The following ZSWIM6 variants were observed in gnomAD, a reference collection of about 807,000 sequenced individuals.
ZSWIM6 encodes the protein zinc finger SWIM domain-containing protein 6.
In ZSWIM6, 9 loss-of-function variants were observed where a neutral mutation model predicts 113.2. The ratio of observed to expected loss-of-function variants is 0.08; its 90% CI spans 0.05 to 0.14. ZSWIM6 has a LOEUF of 0.14. Ranked by LOEUF, ZSWIM6 falls within the 10% of genes least tolerant of loss-of-function variation. The probability of loss-of-function intolerance (pLI) is 1.00; values close to 1 mark genes in which losing one functional copy is unlikely to be tolerated. For synonymous variants in ZSWIM6, 611 were observed against 606.5 expected (o/e 1.01, Z -0.11); for missense variants, 1,162 against 1,552.2 (o/e 0.75, Z 4.22).
intron 1 of ZSWIM6, among the ~76,000 whole-genome samples, chr5:61,337,842 T>C (rs1020797240): frequency 1.3e-5 from 2 of 152,166 alleles, no homozygotes; most frequent in African/African-American, 4.8e-5. Context: ...ACTTTAACTT[T>C]TTACTTTATA....
At chr5:61,530,019 TC>T (rs1237526950) in intron 7 of ZSWIM6, 32 bp from the exon 8 acceptor site, 2 of 1,517,320 alleles carry the variant, frequency 1.3e-6, no homozygotes, top group Non-Finnish European at 8.9e-7. Context: ...TCCCTTCTAC[TC>T]CCCCATTTCT....
intron 4 of ZSWIM6, among the ~76,000 whole-genome samples, chr5:61,510,948 C>T (rs891264094): frequency 6.6e-6 from 1 of 152,032 alleles, no homozygotes; most frequent in Non-Finnish European, 1.5e-5. Context: ...AGTGTTTAAT[C>T]ATCAAATAGC....
chr5:61,535,999 T>C (rs1362743666), intron 10 of ZSWIM6, among the ~76,000 whole-genome samples: 2 of 152,226 alleles, frequency 1.3e-5, no homozygotes, highest in African/African-American at 2.4e-5. Flanking sequence ...TTGAATATAA[T>C]TGAGGGAGAC....
chr5:61,428,826 T>G (rs1246530859), intron 1 of ZSWIM6, among the ~76,000 whole-genome samples: 1 of 152,238 alleles, frequency 6.6e-6, no homozygotes, highest in Non-Finnish European at 1.5e-5. Flanking sequence ...TTTTTCTTTC[T>G]TTCTGATCTG....
At chr5:61,508,508 C>T (rs1408985173) in intron 4 of ZSWIM6, among the ~76,000 whole-genome samples, 3 of 152,104 alleles carry the variant, frequency 2.0e-5, no homozygotes, top group Non-Finnish European at 1.5e-5. Context: ...TAACTAATGA[C>T]ATTCTTATAC....
chr5:61,445,527 C>A (rs1189347184), intron 1 of ZSWIM6, among the ~76,000 whole-genome samples: 1 of 152,132 alleles, frequency 6.6e-6, no homozygotes, highest in African/African-American at 2.4e-5. Flanking sequence ...TTGGAAAGTA[C>A]AAAGTCTCAC....
intron 1 of ZSWIM6, among the ~76,000 whole-genome samples, chr5:61,396,303 G>A (rs1181114283): frequency 2.6e-5 from 4 of 152,152 alleles, no homozygotes; most frequent in Admixed American, 6.6e-5. Flanking sequence ...GGAGGCTGAG[G>A]CAGGCGGATC....
intron 1 of ZSWIM6, among the ~76,000 whole-genome samples, chr5:61,353,895 T>TA (rs1193165653): frequency 6.6e-6 from 1 of 152,222 alleles, no homozygotes; most frequent in Non-Finnish European, 1.5e-5. Flanking sequence ...ACACCTCAGT[T>TA]ACTGGAAGGC....
At chr5:61,438,237 G>A (rs1163593948) in intron 1 of ZSWIM6, among the ~76,000 whole-genome samples, 4 of 152,068 alleles carry the variant, frequency 2.6e-5, no homozygotes, top group Non-Finnish European at 4.4e-5. Flanking sequence ...AGTCATGTTC[G>A]AAATATGACA....
chr5:61,432,905 C>G (rs1453265582), intron 1 of ZSWIM6, among the ~76,000 whole-genome samples: 1 of 152,074 alleles, frequency 6.6e-6, no homozygotes, highest in Non-Finnish European at 1.5e-5. Flanking sequence ...ATACCCTTAC[C>G]CTCATATAAT....
At chr5:61,401,486 A>T (rs916543243) in intron 1 of ZSWIM6, among the ~76,000 whole-genome samples, 5 of 152,186 alleles carry the variant, frequency 3.3e-5, no homozygotes, top group African/African-American at 1.2e-4. Context: ...AATAAAGGGT[A>T]TATAGATACC....
intron 5 of ZSWIM6, among the ~76,000 whole-genome samples, chr5:61,523,169 T>C (rs896281290): frequency 1.3e-5 from 2 of 152,212 alleles, no homozygotes; most frequent in South Asian, 4.1e-4. Context: ...GGTCTGGTGT[T>C]CATACCTGTA....
In ZSWIM6 at chr5:61,436,952, A is replaced by G. The variant is rs1486984860; in HGVS notation, c.677-35729A>G. On this transcript the variant is annotated intron_variant, in intron 1 of 13. Coordinates refer to ENST00000252744, the MANE Select transcript of ZSWIM6 (RefSeq NM_020928.2). ...AATCTAATGTGTTTTGCCTGTTGAC[A>G]TGTTAAAGATGGGAGCCACTTAGAG... is the stretch of plus-strand genomic sequence containing the variant. Among the ~76,000 whole-genome samples the G allele has an allele frequency of 2.6e-5, 4 of 152,150 alleles. No homozygotes were observed. In the South Asian group the frequency reaches 8.3e-4, roughly 31 times the overall value.
At chr5:61,414,348 A>G (rs1746204847) in intron 1 of ZSWIM6, among the ~76,000 whole-genome samples, 1 of 152,104 alleles carries the variant, frequency 6.6e-6, no homozygotes, top group African/African-American at 2.4e-5. Flanking sequence ...TATTTTGAGG[A>G]TCAGGGGTGG....
chr5:61,520,065 T>C (rs951138084), intron 4 of ZSWIM6, among the ~76,000 whole-genome samples: 12 of 152,158 alleles, frequency 7.9e-5, no homozygotes, highest in Admixed American at 7.2e-4. Context: ...CATGGCTCAG[T>C]TCCTAACAGA....
intron 1 of ZSWIM6, among the ~76,000 whole-genome samples, chr5:61,345,617 T>C (rs1257583450): frequency 6.6e-6 from 1 of 152,216 alleles, no homozygotes; most frequent in Non-Finnish European, 1.5e-5. Context: ...TACCATGAGC[T>C]ACACTGAATA....
chr5:61,514,725 T>C (rs1748885105), intron 4 of ZSWIM6, among the ~76,000 whole-genome samples: 1 of 152,164 alleles, frequency 6.6e-6, no homozygotes, highest in Non-Finnish European at 1.5e-5. Flanking sequence ...ATAAACCCTA[T>C]GTTGTTGTGT....
At chr5:61,398,392 C>T (rs1028097778) in intron 1 of ZSWIM6, among the ~76,000 whole-genome samples, 7 of 152,168 alleles carry the variant, frequency 4.6e-5, no homozygotes, top group African/African-American at 7.2e-5. Context: ...AAACTATCCC[C>T]CTACCCCTAG....
At position 61,332,875 on chromosome 5, in the gene ZSWIM6, C is replaced by T. The variant is rs1157915201; in HGVS notation, c.603C>T (p.Asp201=). 2 of 1,278,032 alleles carry T rather than the reference C, an allele frequency of 1.6e-6. No homozygotes were observed. The highest frequency in any genetic ancestry group is 1.0e-6 in the Non-Finnish European group (1 of 994,088). The allele number at this position is 1,278,032 out of a possible 1,614,324, so 79.2% of individuals were successfully genotyped here. Residue 201 remains aspartate, a synonymous_variant, in exon 1 of 14, where the codon GAC becomes GAT. Transcript: ENST00000252744. ...VGAAGAADGG[D]ETRLPFRRGI... is the part of the protein sequence containing the mutation. ...CTGCCGGGGCGGCGGACGGCGGCGA[C>T]GAGACGCGGCTGCCTTTCCGCCGGG...
Sources: allele counts gnomAD v4.1 joint callset (sites outside exome capture counted in the v4.1 genomes callset), GRCh38; gene constraint gnomAD v4.1.1; transcripts MANE v1.5; gene names NCBI Gene and HGNC (gene_info 2026-07-23, HGNC 2026-07-21).